Variants in SALL2 observed in about 807,000 individuals in gnomAD.
SALL2 encodes the protein sal-like protein 2.
In SALL2, 32 loss-of-function variants were observed where a neutral mutation model predicts 58.5. The observed-to-expected ratio is 0.55, with a 90% confidence interval of 0.41 to 0.74. The LOEUF (loss-of-function observed/expected upper bound fraction) is 0.74. Among genes scored for constraint, SALL2 ranks in the 30% least tolerant of loss-of-function variants. The pLI, the probability that SALL2 is intolerant of heterozygous loss-of-function variation, is 0.00. For synonymous variants in SALL2, 516 were observed against 513.6 expected (o/e 1.00, Z -0.06); for missense variants, 1,201 against 1,268.9 (o/e 0.95, Z 0.81).
In SALL2 at chr14:21,521,881, T is replaced by C. The variant is rs943652110; in HGVS notation, c.*823A>G. ...TTAATGTGACCATCAGGGGATTTAC[T>C]GGGAAAATTTTCCTATGCCCTTCCT... On this transcript the variant is annotated 3_prime_UTR_variant, in exon 2 of 2. Transcript: ENST00000537235. 1.3e-4 allele frequency: 161 copies of C among 1,195,524 alleles called. No individual in the cohort carries two copies. The highest frequency in any genetic ancestry group is 1.7e-4 in the Non-Finnish European group (148 of 874,994). 74.1% of individuals were successfully genotyped at this position (1,195,524 alleles called of 1,614,324 possible).
Position 21,522,474 on chromosome 14 carries a change from T to C in SALL2, c.*230A>G. The C allele has an allele frequency of 1.4e-6, 2 of 1,397,830 alleles. No homozygotes were observed. The highest frequency in any genetic ancestry group is 1.9e-6 in the Non-Finnish European group (2 of 1,080,082). 86.6% of individuals were successfully genotyped at this position (1,397,830 alleles called of 1,614,324 possible). A position where few individuals can be genotyped will look rare whatever the true frequency, so the allele number is the denominator to read the frequency against. On this transcript the variant is annotated 3_prime_UTR_variant, in exon 2 of 2. Coordinates refer to ENST00000537235, the MANE Select transcript of SALL2 (RefSeq NM_001364564.1). ...CCCCTTGAGAAAGCTGCAGAGAATC[T>C]ATGTTCCTCAGGTACAAAGAATGAG...
chr14:21,524,540 C>T lies in SALL2; in HGVS notation c.1182G>A (p.Thr394=), dbSNP rs370816924. The T allele has an allele frequency of 3.5e-5, 57 of 1,614,146 alleles. 1 individual carries two copies. The highest frequency in any genetic ancestry group is 1.7e-4 in the Admixed American group (10 of 60,008). ...CATTGCACTTATAGGGCCTCTCACC[C>T]GTGTGGGAACGAAGGTGGATCTGCA... ...SALQIHLRSH[T]GERPYKCNVC... The change falls in exon 2 of 2, where the codon ACG becomes ACA. Residue 394 remains threonine (T), a synonymous_variant. Transcript: ENST00000537235.
chr14:21,524,564 C>T lies in SALL2; in HGVS notation c.1158G>A (p.Leu386=). Residue 386 remains leucine (L), a synonymous_variant, in exon 2 of 2, where the codon CTG becomes CTA. Transcript: ENST00000537235. ...CAKVFGSDSA[L]QIHLRSHTGE... ...CCGTGTGGGAACGAAGGTGGATCTG[C>T]AGGGCACTGTCACTGCCAAATACTT... 6.2e-7 allele frequency: 1 copy of T among 1,614,272 alleles called. No homozygotes were observed. The highest frequency in any genetic ancestry group is 8.5e-7 in the Non-Finnish European group (1 of 1,180,052).
Position 21,525,679 on chromosome 14 carries a change from G to A in SALL2, c.68-25C>T, listed in dbSNP as rs781223515. 1.9e-6 allele frequency: 3 copies of A among 1,542,114 alleles called. No homozygotes were observed. In the South Asian group the frequency reaches 3.8e-5, roughly 19 times the overall value. On this transcript the variant is annotated intron_variant, in intron 1 of 1. Coordinates refer to ENST00000537235, the MANE Select transcript of SALL2 (RefSeq NM_001364564.1). This position sits in a 1 kb window ranked among gnomAD's most constrained non-coding sequence, Gnocchi z 4.4. ...CCTGGGGAGAAGACAAGGAGAGAGA[G>A]CGTGGGTGGCGCAGTTGGGTTGGGT...
In SALL2 at chr14:21,522,473, C is replaced by CTA; in HGVS notation, c.*229_*230dup. On this transcript the variant is annotated 3_prime_UTR_variant, in exon 2 of 2. Transcript: ENST00000537235. ...TCCCCTTGAGAAAGCTGCAGAGAAT[C>CTA]TATGTTCCTCAGGTACAAAGAATGA... 7.2e-7 allele frequency: 1 copy of CTA among 1,397,948 alleles called. No individual in the cohort carries two copies. The allele number at this position is 1,397,948 out of a possible 1,614,324, so 86.6% of individuals were successfully genotyped here.
At position 21,526,252 on chromosome 14, in the gene SALL2, T is replaced by A; in HGVS notation, c.-125A>T. 1 of 1,430,108 alleles carries A rather than the reference T, an allele frequency of 7.0e-7. No homozygotes were observed. The highest frequency in any genetic ancestry group is 9.1e-7 in the Non-Finnish European group (1 of 1,092,976). The allele number at this position is 1,430,108 out of a possible 1,614,324, so 88.6% of individuals were successfully genotyped here. On this transcript the variant is annotated 5_prime_UTR_variant, in exon 1 of 2. Coordinates refer to ENST00000537235, the MANE Select transcript of SALL2 (RefSeq NM_001364564.1). The stretch of plus-strand genomic sequence containing the variant: ...GCGGCCCAGACTGCGGAGATGGAGA[T>A]CGGCAGCGGCGGGGGCAGGGAGCAG...
intron 1 of SALL2, among the ~76,000 whole-genome samples, chr14:21,536,563 G>C (rs2139687606): frequency 1.3e-5 from 2 of 152,330 alleles, no homozygotes; most frequent in Admixed American, 1.3e-4. Flanking sequence ...AGCAAAGGGA[G>C]ACCTGAGGAG....
chr14:21,526,374 A>T (rs1892313596), upstream of SALL2: 50 of 1,134,926 alleles, frequency 4.4e-5, no homozygotes, highest in South Asian at 8.3e-4. Context: ...AGGGGAGTTT[A>T]TGGGGAGGAG....
Position 21,525,617 on chromosome 14 carries a change from G to A in SALL2, c.105C>T (p.Ala35=), listed in dbSNP as rs1202317358. The change falls in exon 2 of 2, where the codon GCC becomes GCT. Residue 35 remains alanine (A), a synonymous_variant. Transcript: ENST00000537235. This position sits in a 1 kb window ranked among gnomAD's most constrained non-coding sequence, Gnocchi z 4.4. Reference sequence around the variant, plus strand: ...GGTCAGTGAATTGTGCGCAGCACTTGGCACAGACTTGGGGGTGATCCTCCT... The same window carrying A: ...GGTCAGTGAATTGTGCGCAGCACTTAGCACAGACTTGGGGGTGATCCTCCT... ...ASEEDHPQVC[A]KCCAQFTDPT... The A allele has an allele frequency of 1.2e-6, 2 of 1,601,542 alleles. No individual in the cohort carries two copies. Among genetic ancestry groups the A allele is most frequent in the Non-Finnish European group, 1.7e-6 (2 of 1,173,164 alleles).
In SALL2 at chr14:21,521,483, A is replaced by G; in HGVS notation, c.*1221T>C. 1 of 152,914 alleles carries G rather than the reference A, an allele frequency of 6.5e-6. No homozygotes were observed. The highest frequency in any genetic ancestry group is 2.4e-5 in the African/African-American group (1 of 41,446). 9.5% of individuals were successfully genotyped at this position (152,914 alleles called of 1,614,324 possible). A position where few individuals can be genotyped will look rare whatever the true frequency, so the allele number is the denominator to read the frequency against. On this transcript the variant is annotated 3_prime_UTR_variant, in exon 2 of 2. Coordinates refer to ENST00000537235, the MANE Select transcript of SALL2 (RefSeq NM_001364564.1). ...GGGAGTTATCTAAAACTAGAAGCAT[A>G]CTAGTGCTAGGAAATCCCCCATGAT...
rs147137091 is a variant in SALL2, at chr14:21,524,219, T to C, written c.1503A>G (p.Pro501=). ...LSTSAGTATA[P]GLPAFNKFVL... ...CAAACTTATTGAAAGCAGGGAGTCCTGGAGCCGTGGCTGTGCCTGCACTGG... is the reference window on the plus strand; with the variant it reads ...CAAACTTATTGAAAGCAGGGAGTCCCGGAGCCGTGGCTGTGCCTGCACTGG... The change falls in exon 2 of 2, where the codon CCA becomes CCG. Residue 501 remains proline, a synonymous_variant. Coordinates refer to ENST00000537235, the MANE Select transcript of SALL2 (RefSeq NM_001364564.1). 5 of 1,612,420 alleles carry C rather than the reference T, an allele frequency of 3.1e-6. No homozygotes were observed. In the African/African-American group the frequency reaches 5.3e-5, roughly 17 times the overall value.
At chr14:21,535,369 AAAG>A (rs1173565912) in intron 1 of SALL2, among the ~76,000 whole-genome samples, 2 of 125,444 alleles carry the variant, frequency 1.6e-5, no homozygotes, top group Admixed American at 9.7e-5. Context: ...AAAAAAAGAA[AAAG>A]AAAAGAAAAG....
At chr14:21,526,675 T>C (rs1892326297), upstream of SALL2, among the ~76,000 whole-genome samples, 2 of 151,926 alleles carry the variant, frequency 1.3e-5, no homozygotes, top group African/African-American at 4.8e-5. Flanking sequence ...TATTTTTCTT[T>C]GGATAAAGGA....
chr14:21,534,917 G>C (rs1313163041), intron 1 of SALL2, among the ~76,000 whole-genome samples: 1 of 152,126 alleles, frequency 6.6e-6, no homozygotes, highest in South Asian at 2.1e-4. Flanking sequence ...TGTCTGTTAA[G>C]GTTATTTTGT....
At position 21,525,008 on chromosome 14, in the gene SALL2, G is replaced by A. The variant is rs1393390215; in HGVS notation, c.714C>T (p.Pro238=). ...GGACAGGCTTGATGGGGCTGAAGAG[G>A]GGTAGTAGGGGCTTGGTGGAAGAGG... The part of the protein sequence containing the change: ...GTASSTKPLL[P]LFSPIKPVQT... The change falls in exon 2 of 2, where the codon CCC becomes CCT. Residue 238 remains proline, a synonymous_variant. Transcript: ENST00000537235. The surrounding 1 kb of genome is among the most constrained non-coding windows in gnomAD (Gnocchi z 4.4). The A allele has an allele frequency of 4.3e-6, 7 of 1,613,894 alleles. No individual in the cohort carries two copies. The highest frequency in any genetic ancestry group is 3.3e-5 in the South Asian group (3 of 91,060).
upstream of SALL2, among the ~76,000 whole-genome samples, chr14:21,531,014 C>T (rs1383832073): frequency 6.6e-6 from 1 of 152,198 alleles, no homozygotes; most frequent in Non-Finnish European, 1.5e-5. Flanking sequence ...GGAAATATCT[C>T]ATCTTCTCCT....
upstream of SALL2, among the ~76,000 whole-genome samples, chr14:21,530,678 T>C (rs1346936118): frequency 1.3e-5 from 2 of 152,182 alleles, no homozygotes; most frequent in African/African-American, 2.4e-5. Context: ...GGCACAATCA[T>C]AGCTCACTGC....
At position 21,525,452 on chromosome 14, in the gene SALL2, C is replaced by T; in HGVS notation, c.270G>A (p.Met90Ile). 1 of 1,613,814 alleles carries T rather than the reference C, an allele frequency of 6.2e-7. No individual in the cohort carries two copies. Among genetic ancestry groups the T allele is most frequent in the Non-Finnish European group, 8.5e-7 (1 of 1,179,848 alleles). The part of the protein sequence containing the change: ...RPEGHNNPQV[M>I]DTEHSNPPDS... ...CTGGGGGGTTGCTATGCTCTGTGTC[C>T]ATGACCTGAGGATTATTGTGACCCT... The change falls in exon 2 of 2, where the codon ATG becomes ATA. Residue 90 changes from methionine (M) to isoleucine (I), a missense_variant. Met to Ile is a conservative substitution (Grantham distance 10, BLOSUM62 1). This residue lies in a region of SALL2 where 467 missense variants were observed against 468.9 expected (regional missense o/e 1.00). Transcript: ENST00000537235. This position sits in a 1 kb window ranked among gnomAD's most constrained non-coding sequence, Gnocchi z 4.4.
chr14:21,527,391 TTC>T (rs768746516), upstream of SALL2, among the ~76,000 whole-genome samples: 27 of 152,342 alleles, frequency 1.8e-4, no homozygotes, highest in East Asian at 3.9e-3. Flanking sequence ...TATTCTGGCA[TTC>T]TCTTTTTTAC....
Sources: allele counts gnomAD v4.1 joint callset (sites outside exome capture counted in the v4.1 genomes callset), GRCh38; gene constraint gnomAD v4.1.1; regional missense constraint gnomAD v4.1.1; non-coding constraint Gnocchi (gnomAD v3.1); transcripts MANE v1.5; gene names NCBI Gene and HGNC (gene_info 2026-07-23, HGNC 2026-07-21).